Variants in DLC1 observed in about 807,000 individuals in gnomAD.
DLC1 encodes rho GTPase-activating protein 7.
A neutral mutation model predicts 140.3 loss-of-function variants in DLC1; 54 were observed. The observed-to-expected ratio is 0.38, with a 90% confidence interval of 0.31 to 0.48. The LOEUF (loss-of-function observed/expected upper bound fraction) is 0.48. Among genes scored for constraint, DLC1 ranks in the 20% least tolerant of loss-of-function variants. DLC1 has a pLI of 0.96. For synonymous variants in DLC1, 986 were observed against 728.1 expected (o/e 1.35, Z -5.70); for missense variants, 2,536 against 1,907.0 (o/e 1.33, Z -6.14).
intron 4 of DLC1, among the ~76,000 whole-genome samples, chr8:13,315,221 C>T (rs888768204): frequency 1.3e-5 from 2 of 152,170 alleles, no homozygotes; most frequent in African/African-American, 2.4e-5. Context: ...TCGAGACCAG[C>T]ATGAACAAGA....
chr8:13,176,974 T>C (rs138524685), intron 5 of DLC1, among the ~76,000 whole-genome samples: 28 of 152,308 alleles, frequency 1.8e-4, no homozygotes, highest in African/African-American at 6.3e-4. Context: ...AAGGAGACAG[T>C]TCTCTCCTAG....
At chr8:13,450,528 C>G (rs1364922466) in intron 2 of DLC1, among the ~76,000 whole-genome samples, 1 of 145,806 alleles carries the variant, frequency 6.9e-6, no homozygotes, top group East Asian at 2.0e-4. Context: ...GGTAGTCAAA[C>G]TTAGAAAGCT....
chr8:13,106,941 C>A (rs1819614496), intron 7 of DLC1, among the ~76,000 whole-genome samples: 1 of 152,198 alleles, frequency 6.6e-6, no homozygotes, highest in African/African-American at 2.4e-5. Context: ...CGTAGTGAAT[C>A]ACAGTTCACA....
intron 2 of DLC1, among the ~76,000 whole-genome samples, chr8:13,450,884 C>G (rs1292982316): frequency 6.6e-6 from 1 of 150,590 alleles, no homozygotes; most frequent in Non-Finnish European, 1.5e-5. Flanking sequence ...ACTAAAAATA[C>G]AAAAATTAGC....
intron 2 of DLC1, among the ~76,000 whole-genome samples, chr8:13,477,163 A>G (rs1036518056): frequency 6.6e-6 from 1 of 152,160 alleles, no homozygotes; most frequent in African/African-American, 2.4e-5. Flanking sequence ...TTCAAAGAGC[A>G]TGTAGTAACC....
chr8:13,250,230 G>C (rs557607283), intron 5 of DLC1, among the ~76,000 whole-genome samples: 2 of 152,216 alleles, frequency 1.3e-5, no homozygotes, highest in Non-Finnish European at 2.9e-5. Flanking sequence ...CATATAATTT[G>C]ATTACTTTTT....
chr8:13,365,655 C>T lies in DLC1; in HGVS notation c.1314+27898G>A, dbSNP rs796642368. 2.6e-5 allele frequency among the ~76,000 whole-genome samples: 4 copies of T among 152,226 alleles called. 1 individual carries two copies. Among genetic ancestry groups the T allele is most frequent in the African/African-American group, 9.6e-5 (4 of 41,532 alleles). ...GAGCGAGCCGTGGTGAGACGGTGCT[C>T]CTTCTGGGTTTCCAGACATGTGTCA... On this transcript the variant is annotated intron_variant, in intron 4 of 17. Transcript: ENST00000276297.
chr8:13,276,514 C>T (rs1396241627), intron 5 of DLC1: 14 of 1,301,838 alleles, frequency 1.1e-5, no homozygotes, highest in Non-Finnish European at 1.2e-5. Flanking sequence ...GCCGGCATTG[C>T]GGCTGGCACT....
intron 5 of DLC1, among the ~76,000 whole-genome samples, chr8:13,167,594 G>A (rs1484360024): frequency 2.0e-5 from 3 of 152,140 alleles, no homozygotes; most frequent in Non-Finnish European, 1.5e-5. Flanking sequence ...ATCCCGGAAA[G>A]AGCACAGCCT....
intron 4 of DLC1, among the ~76,000 whole-genome samples, chr8:13,358,315 A>G (rs1232492190): frequency 6.6e-6 from 1 of 152,194 alleles, no homozygotes; most frequent in Non-Finnish European, 1.5e-5. Flanking sequence ...AAAGCACTAA[A>G]TTGGATGTTG....
At chr8:13,486,912 C>T (rs139046792) in intron 2 of DLC1, among the ~76,000 whole-genome samples, 1 of 152,308 alleles carries the variant, frequency 6.6e-6, no homozygotes, top group East Asian at 1.9e-4. Flanking sequence ...AATAATCATT[C>T]TGTACACAAG....
chr8:13,534,559 A>T (rs1462799675), intron 1 of DLC1, among the ~76,000 whole-genome samples: 1 of 152,104 alleles, frequency 6.6e-6, no homozygotes, highest in African/African-American at 2.4e-5. Flanking sequence ...TCTCTGCTTC[A>T]TAAGAAGCAG....
chr8:13,538,080 T>C (rs529666198), intron 1 of DLC1, among the ~76,000 whole-genome samples: 1 of 152,158 alleles, frequency 6.6e-6, no homozygotes, highest in Non-Finnish European at 1.5e-5. Context: ...CTAATGCATA[T>C]TTACTTTGTG....
At chr8:13,440,121 A>G (rs1202008307) in intron 2 of DLC1, among the ~76,000 whole-genome samples, 4 of 152,170 alleles carry the variant, frequency 2.6e-5, no homozygotes, top group African/African-American at 4.8e-5. Context: ...GGACATTCAT[A>G]CTTTCTTTAT....
intron 5 of DLC1, among the ~76,000 whole-genome samples, chr8:13,191,996 C>T (rs1415877656): frequency 6.6e-6 from 1 of 151,454 alleles, no homozygotes; most frequent in Non-Finnish European, 1.5e-5. Context: ...GGCTGGAGTA[C>T]AGTGGTGTGA....
chr8:13,091,566 G>C, intron 13 of DLC1, 134 bp from the exon 14 acceptor site: 1 of 695,690 alleles, frequency 1.4e-6, no homozygotes, highest in Non-Finnish European at 2.3e-6. Context: ...AGTGGATTAA[G>C]AGTGTTTTTA....
chr8:13,300,393 C>A (rs569086878), intron 5 of DLC1, among the ~76,000 whole-genome samples: 5 of 152,132 alleles, frequency 3.3e-5, no homozygotes, highest in Non-Finnish European at 7.3e-5. Context: ...CGTTTACCTA[C>A]GTAACAAATT....
intron 5 of DLC1, among the ~76,000 whole-genome samples, chr8:13,243,974 C>T (rs995662441): frequency 6.6e-6 from 1 of 152,202 alleles, no homozygotes; most frequent in African/African-American, 2.4e-5. Context: ...CTCTTTTCCT[C>T]TGTAACCTGC....
At chr8:13,441,714 A>C (rs1459852067) in intron 2 of DLC1, among the ~76,000 whole-genome samples, 2 of 152,148 alleles carry the variant, frequency 1.3e-5, no homozygotes, top group Non-Finnish European at 2.9e-5. Flanking sequence ...AAAAGAGGAT[A>C]CAAACAAATG....
Sources: gnomAD v4.1 joint callset for allele counts (sites outside exome capture counted in the v4.1 genomes callset) on GRCh38, gnomAD v4.1.1 for gene constraint, MANE v1.5 for transcripts, NCBI Gene and HGNC (gene_info 2026-07-23, HGNC 2026-07-21) for gene names.